IGSF5: variants seen among roughly 807,000 people sequenced by gnomAD.
IGSF5 encodes immunoglobulin superfamily member 5.
IGSF5 carries 41 observed loss-of-function variants against 39.4 expected under a neutral mutation model. The ratio of observed to expected loss-of-function variants is 1.04; its 90% CI spans 0.81 to 1.35. IGSF5 has a LOEUF of 1.35. Among genes scored for constraint, IGSF5 ranks in the 40% most tolerant of loss-of-function variants. IGSF5 has a pLI of 0.00. For synonymous variants in IGSF5, 183 were observed against 175.3 expected, an observed-to-expected ratio of 1.04 and a Z score of -0.34; for missense variants, 487 against 494.6, an observed-to-expected ratio of 0.98 and a Z score of 0.15.
the IGSF5 span, among the ~76,000 whole-genome samples, chr21:39,732,456 G>A: frequency 6.6e-6 from 1 of 152,176 alleles, no homozygotes; most frequent in Admixed American, 6.5e-5. Context: ...TTTCTTCATA[G>A]GATTTTGTGA....
At chr21:39,795,773 G>T (rs1223013938) in intron 8 of IGSF5, among the ~76,000 whole-genome samples, 1 of 151,976 alleles carries the variant, frequency 6.6e-6, no homozygotes, top group East Asian at 1.9e-4. Context: ...CTGGGGACTG[G>T]TAACGTAGTC....
chr21:39,784,620 AC>A (rs2080187976), intron 5 of IGSF5, among the ~76,000 whole-genome samples: 1 of 105,184 alleles, frequency 9.5e-6, no homozygotes, highest in Non-Finnish European at 1.9e-5. Flanking sequence ...ACCCCTGCCC[AC>A]CCCATTCACA....
the IGSF5 span, among the ~76,000 whole-genome samples, chr21:39,728,270 T>C: frequency 1.3e-5 from 2 of 152,182 alleles, no homozygotes; most frequent in African/African-American, 4.8e-5. Flanking sequence ...TTAGGCTGGA[T>C]TAGGGTGGGC....
chr21:39,735,769 T>G, the IGSF5 span, among the ~76,000 whole-genome samples: 1 of 152,134 alleles, frequency 6.6e-6, no homozygotes, highest in East Asian at 1.9e-4. Flanking sequence ...TTGGTCAATA[T>G]CTGCAGGGCA....
intron 7 of IGSF5, 88 bp from the exon 8 acceptor site, chr21:39,793,446 A>T (rs2086976902): frequency 9.6e-7 from 1 of 1,037,248 alleles, no homozygotes; most frequent in Non-Finnish European, 1.5e-6. Flanking sequence ...ACATAAAAGC[A>T]AATGTGTTTC....
At chr21:39,750,073 T>C (rs1253433235) in intron 2 of IGSF5, among the ~76,000 whole-genome samples, 1 of 152,214 alleles carries the variant, frequency 6.6e-6, no homozygotes, top group Non-Finnish European at 1.5e-5. Context: ...TTCATCTTTA[T>C]AGCTATCTTA....
At chr21:39,767,993 T>C (rs977734743) in intron 3 of IGSF5, among the ~76,000 whole-genome samples, 3 of 152,246 alleles carry the variant, frequency 2.0e-5, no homozygotes, top group Admixed American at 1.3e-4. Context: ...ACACATCACA[T>C]TCAGAAACCA....
the IGSF5 span, among the ~76,000 whole-genome samples, chr21:39,718,779 A>G: frequency 2.6e-5 from 4 of 152,152 alleles, no homozygotes; most frequent in African/African-American, 7.2e-5. Flanking sequence ...TTTTGCATGG[A>G]TGTTTATCAA....
intron 5 of IGSF5, among the ~76,000 whole-genome samples, chr21:39,783,371 C>A (rs1373044532): frequency 6.6e-6 from 1 of 152,090 alleles, no homozygotes; most frequent in East Asian, 1.9e-4. Context: ...TTCTCACCAG[C>A]ATTTTTATTT....
the IGSF5 span, among the ~76,000 whole-genome samples, chr21:39,717,164 G>A: frequency 6.6e-6 from 1 of 152,132 alleles, no homozygotes; most frequent in African/African-American, 2.4e-5. Context: ...AGAAGTGTCT[G>A]TTTATGTCTT....
chr21:39,791,961 A>G (rs975223510), intron 6 of IGSF5, 47 bp from the exon 7 acceptor site: 1 of 1,302,514 alleles, frequency 7.7e-7, no homozygotes, highest in African/African-American at 1.5e-5. Context: ...ACATTTGGCA[A>G]TGTTAATGCC....
At chr21:39,784,591 A>T (rs929277006) in intron 5 of IGSF5, among the ~76,000 whole-genome samples, 1 of 152,124 alleles carries the variant, frequency 6.6e-6, no homozygotes, top group Non-Finnish European at 1.5e-5. Context: ...AAGCCTTTAT[A>T]AGAGTGAACT....
intron 6 of IGSF5, among the ~76,000 whole-genome samples, chr21:39,788,452 A>G (rs940606818): frequency 5.3e-5 from 8 of 152,170 alleles, no homozygotes; most frequent in Admixed American, 2.6e-4. Context: ...AGATTTTCTT[A>G]GTGTCTGGCA....
chr21:39,766,581 T>C (rs1447396356), intron 3 of IGSF5, among the ~76,000 whole-genome samples: 1 of 152,118 alleles, frequency 6.6e-6, no homozygotes, highest in Non-Finnish European at 1.5e-5. Context: ...TATCAAGTCA[T>C]TGAGAGAAAA....
the IGSF5 span, among the ~76,000 whole-genome samples, chr21:39,725,445 T>C: frequency 6.6e-6 from 1 of 152,212 alleles, no homozygotes; most frequent in South Asian, 2.1e-4. Context: ...CCCAGAGTGG[T>C]TATCAGCATT....
the IGSF5 span, among the ~76,000 whole-genome samples, chr21:39,735,950 T>C: frequency 6.6e-6 from 1 of 152,218 alleles, no homozygotes; most frequent in Non-Finnish European, 1.5e-5. Context: ...TTTTACAATT[T>C]TCCTGATGTT....
chr21:39,772,560 C>T (rs1002074816), intron 4 of IGSF5, among the ~76,000 whole-genome samples: 2 of 152,164 alleles, frequency 1.3e-5, no homozygotes, highest in African/African-American at 4.8e-5. Flanking sequence ...TGGTTGCTGG[C>T]CATCTTCCTT....
At chr21:39,738,627 G>A in the IGSF5 span, among the ~76,000 whole-genome samples, 41 of 151,868 alleles carry the variant, frequency 2.7e-4, no homozygotes, top group African/African-American at 9.2e-4. This position sits in a 1 kb window ranked among gnomAD's most constrained non-coding sequence, Gnocchi z 6.4. Flanking sequence ...TACCATTTTA[G>A]CAAAGGGCAA....
intron 8 of IGSF5, among the ~76,000 whole-genome samples, chr21:39,794,561 C>G (rs993345709): frequency 6.6e-6 from 1 of 152,122 alleles, no homozygotes; most frequent in African/African-American, 2.4e-5. Flanking sequence ...TTTTCTATCC[C>G]GAATCATAAA....
Sources: gnomAD v4.1 joint callset for allele counts (sites outside exome capture counted in the v4.1 genomes callset) on GRCh38, gnomAD v4.1.1 for gene constraint, Gnocchi (gnomAD v3.1) non-coding constraint, MANE v1.5 for transcripts, NCBI Gene and HGNC (gene_info 2026-07-23, HGNC 2026-07-21) for gene names.